The following LYPLAL1 variants were observed in gnomAD, a reference collection of about 807,000 sequenced individuals.
LYPLAL1 encodes the protein lysophospholipase-like protein 1.
A neutral mutation model predicts 19.7 loss-of-function variants in LYPLAL1; 23 were observed. That is an observed-to-expected ratio of 1.17 (90% CI 0.84 to 1.65). The LOEUF (loss-of-function observed/expected upper bound fraction) is 1.65, where lower values mean the gene tolerates loss of function less well. LYPLAL1 is among the 40% of genes most tolerant of loss of function. The pLI is 0.00. For synonymous variants in LYPLAL1, 119 were observed against 96.3 expected (o/e 1.24, Z -1.38); for missense variants, 355 against 279.4 (o/e 1.27, Z -1.93).
At chr1:219,310,285 AT>A in the LYPLAL1 span, among the ~76,000 whole-genome samples, 3 of 152,206 alleles carry the variant, frequency 2.0e-5, no homozygotes, top group Non-Finnish European at 4.4e-5. Context: ...TGAATAATAA[AT>A]CCAATAGTTT....
chr1:219,382,442 C>G, the LYPLAL1 span, among the ~76,000 whole-genome samples: 13 of 152,292 alleles, frequency 8.5e-5, no homozygotes, highest in Admixed American at 2.0e-4. Context: ...TCACTGCAAG[C>G]TCCACCTCCC....
At chr1:219,184,163 A>T (rs73096778) in intron 2 of LYPLAL1, among the ~76,000 whole-genome samples, 2,285 of 151,992 alleles carry the variant, frequency 0.015, 63 homozygotes, top group African/African-American at 0.052. Context: ...GCCTTCTAAT[A>T]CATACACATG....
the LYPLAL1 span, among the ~76,000 whole-genome samples, chr1:219,306,246 A>G: frequency 4.6e-5 from 7 of 152,240 alleles, no homozygotes; most frequent in Non-Finnish European, 7.3e-5. Context: ...GCTGTCAGAT[A>G]TGTAACTTGT....
chr1:219,180,575 G>A (rs929095665), intron 2 of LYPLAL1, among the ~76,000 whole-genome samples: 4 of 152,066 alleles, frequency 2.6e-5, no homozygotes, highest in Non-Finnish European at 4.4e-5. Context: ...GCTATAAATT[G>A]CATGTCTTTG....
At chr1:219,211,035 C>T (rs1296195622) in intron 4 of LYPLAL1, among the ~76,000 whole-genome samples, 1 of 152,076 alleles carries the variant, frequency 6.6e-6, no homozygotes, top group African/African-American at 2.4e-5. Flanking sequence ...GCAGCAATAT[C>T]CTCATCTATG....
downstream of LYPLAL1, among the ~76,000 whole-genome samples, chr1:219,214,651 G>T (rs1035779168): frequency 4.7e-5 from 7 of 149,472 alleles, no homozygotes; most frequent in Non-Finnish European, 7.4e-5. Flanking sequence ...TACCATCAAC[G>T]TCATATTACT....
chr1:219,211,458 T>C, intron 4 of LYPLAL1, 34 bp from the exon 5 acceptor site: 1 of 1,363,452 alleles, frequency 7.3e-7, no homozygotes, highest in Non-Finnish European at 1.0e-6. Flanking sequence ...ATGGAATTTC[T>C]TAAACTTTTC....
At chr1:219,175,159 T>C (rs1469307649) in intron 1 of LYPLAL1, 1 of 915,770 alleles carries the variant, frequency 1.1e-6, no homozygotes, top group Non-Finnish European at 1.3e-6. Context: ...CAAGGTCTCT[T>C]AGCTGTTACT....
the LYPLAL1 span, among the ~76,000 whole-genome samples, chr1:219,404,172 G>A: frequency 2.0e-5 from 3 of 152,210 alleles, no homozygotes; most frequent in Admixed American, 6.5e-5. Context: ...CTCATCATAA[G>A]AGCCCCATTC....
the LYPLAL1 span, among the ~76,000 whole-genome samples, chr1:219,229,320 A>AGAGAGAGAGAG: frequency 6.7e-6 from 1 of 149,728 alleles, no homozygotes; most frequent in African/African-American, 2.5e-5. Flanking sequence ...AGAGAGAGAG[A>AGAGAGAGAGAG]GAGAGAGAGA....
At chr1:219,381,015 A>G in the LYPLAL1 span, among the ~76,000 whole-genome samples, 4 of 152,190 alleles carry the variant, frequency 2.6e-5, no homozygotes, top group African/African-American at 9.7e-5. Flanking sequence ...ACTGTAGAAG[A>G]TGAAGACATG....
the LYPLAL1 span, among the ~76,000 whole-genome samples, chr1:219,304,216 T>C: frequency 6.6e-6 from 1 of 152,180 alleles, no homozygotes; most frequent in South Asian, 2.1e-4. Context: ...CTGCAAAAGG[T>C]CTGAGACCAG....
At chr1:219,312,894 A>C in the LYPLAL1 span, among the ~76,000 whole-genome samples, 1 of 152,202 alleles carries the variant, frequency 6.6e-6, no homozygotes, top group Non-Finnish European at 1.5e-5. Flanking sequence ...AAGTCTTATC[A>C]CTGTGACTAC....
intron 3 of LYPLAL1, among the ~76,000 whole-genome samples, chr1:219,196,971 A>G (rs1013516853): frequency 1.3e-5 from 2 of 152,162 alleles, no homozygotes; most frequent in African/African-American, 2.4e-5. Context: ...CCACTGCTCA[A>G]GGAAATAAGA....
At chr1:219,276,006 G>A in the LYPLAL1 span, among the ~76,000 whole-genome samples, 2 of 152,162 alleles carry the variant, frequency 1.3e-5, no homozygotes, top group African/African-American at 2.4e-5. Context: ...ACCTTGACTA[G>A]TAGAAAAGGG....
the LYPLAL1 span, among the ~76,000 whole-genome samples, chr1:219,399,869 T>A: frequency 6.6e-6 from 1 of 152,108 alleles, no homozygotes; most frequent in East Asian, 1.9e-4. Flanking sequence ...AGCCCAGGGG[T>A]TTGGCCATCC....
intron 2 of LYPLAL1, among the ~76,000 whole-genome samples, chr1:219,189,325 T>TGA (rs1341433152): frequency 1.3e-5 from 2 of 151,582 alleles, no homozygotes; most frequent in Non-Finnish European, 3.0e-5. Context: ...AATTTTAAAG[T>TGA]GAGTGTTGTA....
chr1:219,330,589 T>G, the LYPLAL1 span, among the ~76,000 whole-genome samples: 1 of 152,198 alleles, frequency 6.6e-6, no homozygotes, highest in Non-Finnish European at 1.5e-5. Context: ...ATTAAAAATA[T>G]CAACTAATGT....
chr1:219,282,915 T>C, the LYPLAL1 span, among the ~76,000 whole-genome samples: 1 of 152,006 alleles, frequency 6.6e-6, no homozygotes, highest in African/African-American at 2.4e-5. Context: ...TCTAGAGAAT[T>C]ATCCACCATA....
Sources: allele counts gnomAD v4.1 joint callset (sites outside exome capture counted in the v4.1 genomes callset), GRCh38; gene constraint gnomAD v4.1.1; transcripts MANE v1.5; gene names NCBI Gene and HGNC (gene_info 2026-07-23, HGNC 2026-07-21).